The following RWDD2B variants were observed in gnomAD, a reference collection of about 807,000 sequenced individuals.
RWDD2B encodes the protein RWD domain-containing protein 2B.
A neutral mutation model predicts 33.6 loss-of-function variants in RWDD2B; 36 were observed. That is an observed-to-expected ratio of 1.07 (90% confidence interval 0.82 to 1.42). RWDD2B has a LOEUF of 1.42. Among genes scored for constraint, RWDD2B ranks in the 40% most tolerant of loss-of-function variants. The probability of loss-of-function intolerance (pLI) is 0.00; values close to 1 mark genes in which losing one functional copy is unlikely to be tolerated. For synonymous variants in RWDD2B, 126 were observed against 133.1 expected, an observed-to-expected ratio of 0.95 and a Z score of 0.37; for missense variants, 364 against 377.5, an observed-to-expected ratio of 0.96 and a Z score of 0.30.
Position 29,008,490 on chromosome 21 carries a change from G to T in RWDD2B, c.199C>A (p.Leu67Met), listed in dbSNP as rs755631642. 1.2e-6 allele frequency: 2 copies of T among 1,613,970 alleles called. No individual in the cohort carries two copies. Among genetic ancestry groups the T allele is most frequent in the African/African-American group, 2.7e-5 (2 of 74,890 alleles). Residue 67 changes from leucine to methionine, a missense_variant, in exon 2 of 5, where the codon CTG (leucine) becomes ATG (methionine). Coordinates refer to ENST00000493196, the MANE Select transcript of RWDD2B (RefSeq NM_016940.3). ...GTCTTCTTTTCAATACAATCTTTCAGTTCTGCTACAGCCAGCTGGTCATTC... is the reference window on the plus strand; with the variant it reads ...GTCTTCTTTTCAATACAATCTTTCATTTCTGCTACAGCCAGCTGGTCATTC... The part of the protein sequence containing the change: ...IVNDQLAVAE[L>M]KDCIEKKTME...
intron 1 of RWDD2B, among the ~76,000 whole-genome samples, chr21:29,015,806 C>T (rs1017819051): frequency 7.2e-5 from 11 of 152,214 alleles, no homozygotes; most frequent in African/African-American, 2.2e-4. Flanking sequence ...GCTGGGATTA[C>T]AGGCGTGAGC....
In RWDD2B at chr21:29,007,933, G is replaced by A. The variant is rs1258539556; in HGVS notation, c.553C>T (p.Leu185Phe). The A allele has an allele frequency of 6.2e-7, 1 of 1,614,188 alleles. No homozygotes were observed. Among genetic ancestry groups the A allele is most frequent in the South Asian group, 1.1e-5 (1 of 91,070 alleles). ...TTGSTVQSVD[L>F]IFTRLWIYSH... is the part of the protein sequence containing the mutation. ...TAGATCCAGAGTCTCGTGAAGATGA[G>A]GTCAACTGACTGGACTGTGCTTCCT... Residue 185 changes from leucine (L) to phenylalanine (F), a missense_variant, in exon 4 of 5, where the codon CTC (leucine) becomes TTC (phenylalanine). Physicochemically the swap from Leu to Phe is conservative, Grantham distance 22 (BLOSUM62 0). Transcript: ENST00000493196.
Position 29,019,225 on chromosome 21 carries a change from C to T in RWDD2B, c.53G>A (p.Gly18Glu), listed in dbSNP as rs770852944. 3 of 1,603,070 alleles carry T rather than the reference C, an allele frequency of 1.9e-6. No individual in the cohort carries two copies. The highest frequency in any genetic ancestry group is 2.6e-6 in the Non-Finnish European group (3 of 1,175,728). Residue 18 changes from glycine (G) to glutamate (E), a missense_variant, in exon 1 of 5, where the codon GGG (glycine) becomes GAG (glutamate). Physicochemically the swap from Gly to Glu is moderately conservative, Grantham distance 98. Transcript: ENST00000493196. ...GCGAGACTCACCTTGAGCCGTGGCC[C>T]CCTCACTGCTGTAACCCGGGTTCCA... ...QPWNPGYSSE[G>E]ATAQETYTCP...
Position 29,008,115 on chromosome 21 carries a change from A to G in RWDD2B, c.371T>C (p.Leu124Ser). ...VLPEITVRSV[L>S]LSRSQQTQLN... ...CTGAGTCTGCTGGGATCTACTCAATAATACTGATCTAATAGAAAAGATACA... is the reference window on the plus strand; with the variant it reads ...CTGAGTCTGCTGGGATCTACTCAATGATACTGATCTAATAGAAAAGATACA... Residue 124 changes from leucine (L) to serine (S), a missense_variant, in exon 4 of 5, where the codon TTA becomes TCA. By Grantham distance (145) the Leu-to-Ser change is moderately radical (BLOSUM62 -2). Coordinates refer to ENST00000493196, the MANE Select transcript of RWDD2B (RefSeq NM_016940.3). 1 of 1,612,396 alleles carries G rather than the reference A, an allele frequency of 6.2e-7. No homozygotes were observed. The highest frequency in any genetic ancestry group is 8.5e-7 in the Non-Finnish European group (1 of 1,179,088).
At chr21:29,014,002 C>A (rs10427515) in intron 1 of RWDD2B, among the ~76,000 whole-genome samples, 31,531 of 152,050 alleles carry the variant, frequency 0.21, 4,104 homozygotes, top group African/African-American at 0.36. Context: ...CTGTATATTT[C>A]TATTGGATGT....
chr21:29,017,117 C>T (rs935399354), intron 1 of RWDD2B, among the ~76,000 whole-genome samples: 5 of 151,814 alleles, frequency 3.3e-5, no homozygotes, highest in Admixed American at 6.6e-5. Context: ...ATGATCCACC[C>T]GCCCTGGGCT....
intron 4 of RWDD2B, 39 bp downstream of exon 4, chr21:29,007,722 A>G (rs779250278): frequency 7.3e-5 from 116 of 1,578,936 alleles, no homozygotes; most frequent in Non-Finnish European, 9.4e-5. Flanking sequence ...TAGTATTAAC[A>G]TTATTGACAT....
Position 29,005,672 on chromosome 21 carries a change from AG to A in RWDD2B, c.*744del, listed in dbSNP as rs2084824697. The A allele has an allele frequency of 1.3e-5, 2 of 152,270 alleles. No individual in the cohort carries two copies. Among genetic ancestry groups the A allele is most frequent in the African/African-American group, 4.8e-5 (2 of 41,428 alleles). The allele number at this position is 152,270 out of a possible 1,614,324, so 9.4% of individuals were successfully genotyped here. A position where few individuals can be genotyped will look rare whatever the true frequency, so the allele number is the denominator to read the frequency against. On this transcript the variant is annotated 3_prime_UTR_variant, in exon 5 of 5. Coordinates refer to ENST00000493196, the MANE Select transcript of RWDD2B (RefSeq NM_016940.3). The stretch of plus-strand genomic sequence containing the variant: ...AGAATCGCTTGAACTTGGGAGGCGG[AG>A]GTTGCAGTGAGCGGAGGTTGCACCA...
At chr21:29,010,634 CA>C (rs1435925083) in intron 1 of RWDD2B, among the ~76,000 whole-genome samples, 4 of 127,312 alleles carry the variant, frequency 3.1e-5, no homozygotes, top group Admixed American at 7.8e-5. Context: ...AAAAAAAAAC[CA>C]AAAAAAACCC....
intron 1 of RWDD2B, among the ~76,000 whole-genome samples, chr21:29,015,705 A>G (rs1385848221): frequency 1.3e-5 from 2 of 151,446 alleles, no homozygotes; most frequent in Non-Finnish European, 2.9e-5. Context: ...AATTTTTTGT[A>G]TTTTTAGTAG....
At chr21:29,008,366 C>T (rs758153900) in intron 2 of RWDD2B, 29 bp downstream of exon 2, 1 of 1,612,406 alleles carries the variant, frequency 6.2e-7, no homozygotes, top group East Asian at 2.2e-5. Context: ...CAACATGTTT[C>T]AATCCCTCTA....
intron 1 of RWDD2B, among the ~76,000 whole-genome samples, chr21:29,012,061 T>C (rs1329444922): frequency 7.7e-6 from 1 of 130,234 alleles, no homozygotes; most frequent in African/African-American, 2.9e-5. Flanking sequence ...CGGCCGCCCC[T>C]ACTGGGAAGT....
At chr21:29,015,318 C>T (rs2146340665) in intron 1 of RWDD2B, among the ~76,000 whole-genome samples, 1 of 146,752 alleles carries the variant, frequency 6.8e-6, no homozygotes, top group East Asian at 2.0e-4. Context: ...GCAACCTCCA[C>T]CTCCCAGGTT....
chr21:29,007,271 T>C (rs1248141559), intron 4 of RWDD2B, among the ~76,000 whole-genome samples: 1 of 152,250 alleles, frequency 6.6e-6, no homozygotes, highest in Non-Finnish European at 1.5e-5. Context: ...GAATGTCTCC[T>C]ACATGCACTT....
At chr21:29,011,908 C>T (rs1399916630) in intron 1 of RWDD2B, among the ~76,000 whole-genome samples, 6 of 120,428 alleles carry the variant, frequency 5.0e-5, no homozygotes, top group Non-Finnish European at 8.7e-5. Context: ...GTCAGCCCCC[C>T]GCCTGGCCAG....
chr21:29,011,201 G>A (rs927330467), intron 1 of RWDD2B, among the ~76,000 whole-genome samples: 3 of 150,232 alleles, frequency 2.0e-5, no homozygotes, highest in Admixed American at 6.6e-5. Flanking sequence ...CTGCCCAGCC[G>A]CCCTGCCATC....
chr21:29,010,191 T>C (rs1289687733), intron 1 of RWDD2B, among the ~76,000 whole-genome samples: 1 of 152,218 alleles, frequency 6.6e-6, no homozygotes, highest in East Asian at 1.9e-4. Flanking sequence ...TGTATCAACA[T>C]GTACATTTTA....
chr21:29,007,300 T>G (rs2084833180), intron 4 of RWDD2B, among the ~76,000 whole-genome samples: 1 of 152,216 alleles, frequency 6.6e-6, no homozygotes, highest in South Asian at 2.1e-4. Flanking sequence ...ACGGGGAAAA[T>G]GCTGACTACA....
At chr21:29,008,806 A>G (rs2084842843) in intron 1 of RWDD2B, among the ~76,000 whole-genome samples, 185 bp from the exon 2 acceptor site, 3 of 152,210 alleles carry the variant, frequency 2.0e-5, no homozygotes, top group Admixed American at 6.5e-5. Context: ...GACCAGCCTG[A>G]GCAACATACT....
Sources: allele counts gnomAD v4.1 joint callset (sites outside exome capture counted in the v4.1 genomes callset), GRCh38; gene constraint gnomAD v4.1.1; transcripts MANE v1.5; gene names NCBI Gene and HGNC (gene_info 2026-07-23, HGNC 2026-07-21).